The following SENP7 variants were observed in gnomAD, a reference collection of about 807,000 sequenced individuals.
SENP7 encodes the protein SUMO specific peptidase 7, also known as sentrin-specific protease 7.
A neutral mutation model predicts 141.2 loss-of-function variants in SENP7; 64 were observed. The ratio of observed to expected loss-of-function variants is 0.45; its 90% CI spans 0.37 to 0.56. The LOEUF (loss-of-function observed/expected upper bound fraction) is 0.56, where lower values mean the gene tolerates loss of function less well. Among genes scored for constraint, SENP7 ranks in the 20% least tolerant of loss-of-function variants. The pLI is 0.00. For missense variants in SENP7, 1,025 were observed against 1,212.2 expected, an observed-to-expected ratio of 0.85 and a Z score of 2.29; for synonymous variants, 382 against 426.4, an observed-to-expected ratio of 0.90 and a Z score of 1.28.
At position 101,459,038 on chromosome 3, in the gene SENP7, T is replaced by C. The variant is rs2063458893; in HGVS notation, c.201A>G (p.Leu67=). 2 of 1,586,194 alleles carry C rather than the reference T, an allele frequency of 1.3e-6. No individual in the cohort carries two copies. The highest frequency in any genetic ancestry group is 1.7e-6 in the Non-Finnish European group (2 of 1,165,210). ...GGTCTAGAGAGATGACTTTATTCCT[T>C]AGGCTTCTTTCCCACTAGGAAAAAA... is the stretch of plus-strand genomic sequence containing the variant. The part of the protein sequence containing the change: ...WTLPLQWERS[L]RNKVISLDHK... The change falls in exon 4 of 24, where the codon CTA becomes CTG. Residue 67 remains leucine (L), a synonymous_variant. Coordinates refer to ENST00000394095, the MANE Select transcript of SENP7 (RefSeq NM_020654.5).
At position 101,414,548 on chromosome 3, in the gene SENP7, T is replaced by C. The variant is rs2061552562; in HGVS notation, c.482+3045A>G. Reference sequence around the variant, plus strand: ...GTGAAGCAGCAGCTGGACGGTTGTGTGACCAAGTGTGTGGATGACCACATG... The same window carrying C: ...GTGAAGCAGCAGCTGGACGGTTGTGCGACCAAGTGTGTGGATGACCACATG... On this transcript the variant is annotated intron_variant, in intron 5 of 23. Transcript: ENST00000394095. 6.2e-6 allele frequency: 10 copies of C among 1,603,640 alleles called. No individual in the cohort carries two copies. In the South Asian group the frequency reaches 1.1e-4, roughly 18 times the overall value.
rs932943910 is a variant in SENP7, at chr3:101,398,181, C to T, written c.677+680G>A. ...TGAATATAAAAATAACGGACAAGGC[C>T]GGGGGCAGTGGCTCACGCCTGTAAT... On this transcript the variant is annotated intron_variant, in intron 6 of 23. Coordinates refer to ENST00000394095, the MANE Select transcript of SENP7 (RefSeq NM_020654.5). 4.6e-5 allele frequency among the ~76,000 whole-genome samples: 7 copies of T among 152,214 alleles called. No individual in the cohort carries two copies. In the East Asian group the frequency reaches 7.7e-4, roughly 17 times the overall value.
chr3:101,356,628 C>T (rs2059749818), intron 11 of SENP7, among the ~76,000 whole-genome samples: 1 of 151,990 alleles, frequency 6.6e-6, no homozygotes, highest in East Asian at 1.9e-4. Context: ...TTGATATTTA[C>T]ATAGAATCAA....
At chr3:101,491,811 G>A (rs937411643) in intron 3 of SENP7, among the ~76,000 whole-genome samples, 1 of 152,182 alleles carries the variant, frequency 6.6e-6, no homozygotes, top group African/African-American at 2.4e-5. Context: ...TTAATAGGAG[G>A]TCGGGCACGG....
chr3:101,454,294 T>G (rs1024073919), intron 4 of SENP7, among the ~76,000 whole-genome samples: 9 of 152,170 alleles, frequency 5.9e-5, no homozygotes, highest in Non-Finnish European at 1.2e-4. Flanking sequence ...GGTAGATCAC[T>G]TGAGCTCAGG....
intron 4 of SENP7, 123 bp from the exon 5 acceptor site, chr3:101,417,913 C>T (rs1044663733): frequency 6.9e-6 from 5 of 724,762 alleles, no homozygotes; most frequent in African/African-American, 3.6e-5. Flanking sequence ...TAGTAAATAC[C>T]CTAAGAAAAA....
At chr3:101,508,954 T>C (rs1357699171) in intron 1 of SENP7, among the ~76,000 whole-genome samples, 1 of 152,134 alleles carries the variant, frequency 6.6e-6, no homozygotes, top group Admixed American at 6.6e-5. Context: ...CTCAAAAAAT[T>C]ACCTTATTTC....
At chr3:101,466,803 C>T (rs751683537) in intron 3 of SENP7, among the ~76,000 whole-genome samples, 3 of 152,158 alleles carry the variant, frequency 2.0e-5, no homozygotes, top group Non-Finnish European at 4.4e-5. Context: ...TTTCCAACTT[C>T]GGTACCTGGT....
chr3:101,359,565 C>T lies in SENP7; in HGVS notation c.1623+2150G>A, dbSNP rs144082846. On this transcript the variant is annotated intron_variant, in intron 11 of 23. Coordinates refer to ENST00000394095, the MANE Select transcript of SENP7 (RefSeq NM_020654.5). The stretch of plus-strand genomic sequence containing the variant: ...CTTTACAATGCTTACTGAATATTTG[C>T]AGTTCCCTACTGTTTGTAATAGTAA... 8.6e-5 allele frequency among the ~76,000 whole-genome samples: 13 copies of T among 151,834 alleles called. No individual in the cohort carries two copies. In the East Asian group the frequency reaches 2.5e-3, roughly 29 times the overall value.
At chr3:101,454,230 G>C (rs1263846606) in intron 4 of SENP7, among the ~76,000 whole-genome samples, 1 of 152,228 alleles carries the variant, frequency 6.6e-6, no homozygotes, top group Non-Finnish European at 1.5e-5. Flanking sequence ...GTATGTCTAA[G>C]AATGGGCACA....
At chr3:101,366,974 A>G (rs1396014421) in intron 8 of SENP7, among the ~76,000 whole-genome samples, 1 of 152,182 alleles carries the variant, frequency 6.6e-6, no homozygotes, top group Non-Finnish European at 1.5e-5. Context: ...GATGCCTGAT[A>G]ATTTTTTAAA....
chr3:101,379,814 T>C (rs56230566), intron 6 of SENP7, among the ~76,000 whole-genome samples: 61,407 of 151,998 alleles, frequency 0.4, 12,841 homozygotes, highest in Admixed American at 0.54. Context: ...CCAGCACTTC[T>C]ACTTCTGGAT....
chr3:101,449,308 T>C (rs2107816928), intron 4 of SENP7, among the ~76,000 whole-genome samples: 1 of 152,222 alleles, frequency 6.6e-6, no homozygotes, highest in African/African-American at 2.4e-5. Context: ...CAGGATATTA[T>C]CCAGGAGAAC....
intron 11 of SENP7, chr3:101,357,678 T>C: frequency 1.4e-6 from 1 of 735,066 alleles, no homozygotes; most frequent in South Asian, 1.5e-5. Context: ...CAGAGAAAAA[T>C]ATTTCAATGT....
At chr3:101,329,114 T>G (rs1329746413) in intron 20 of SENP7, among the ~76,000 whole-genome samples, 1 of 152,200 alleles carries the variant, frequency 6.6e-6, no homozygotes, top group African/African-American at 2.4e-5. Flanking sequence ...AATTTTGTTT[T>G]GTTGATGTTG....
intron 13 of SENP7, among the ~76,000 whole-genome samples, chr3:101,344,284 T>C (rs188668145): frequency 6.6e-6 from 1 of 152,322 alleles, no homozygotes; most frequent in Admixed American, 6.5e-5. Context: ...GCCTCCTTTA[T>C]GAATCAACTC....
chr3:101,393,517 A>T (rs534348114), intron 6 of SENP7, among the ~76,000 whole-genome samples: 4 of 152,338 alleles, frequency 2.6e-5, no homozygotes, highest in African/African-American at 9.6e-5. Flanking sequence ...AATCCAATTT[A>T]AAAAATGGGT....
chr3:101,380,148 G>C (rs2060455085), intron 6 of SENP7, among the ~76,000 whole-genome samples: 1 of 152,104 alleles, frequency 6.6e-6, no homozygotes, highest in Non-Finnish European at 1.5e-5. Context: ...AAAGTAGAAT[G>C]GTGGCTGTCA....
intron 2 of SENP7, among the ~76,000 whole-genome samples, chr3:101,495,121 C>T (rs2065111983): frequency 6.6e-6 from 1 of 151,766 alleles, no homozygotes; most frequent in African/African-American, 2.4e-5. Context: ...AGGATATGAA[C>T]AAACAGTTCT....
Sources: allele counts gnomAD v4.1 joint callset (sites outside exome capture counted in the v4.1 genomes callset), GRCh38; gene constraint gnomAD v4.1.1; transcripts MANE v1.5; gene names NCBI Gene and HGNC (gene_info 2026-07-23, HGNC 2026-07-21).